The following SEMA6D variants were observed in gnomAD, a reference collection of about 807,000 sequenced individuals.
SEMA6D encodes the protein semaphorin 6D.
A neutral mutation model predicts 106.6 loss-of-function variants in SEMA6D; 35 were observed. The ratio of observed to expected loss-of-function variants is 0.33; its 90% CI spans 0.25 to 0.44. SEMA6D has a LOEUF of 0.44. Ranked by LOEUF, SEMA6D falls within the 20% of genes least tolerant of loss-of-function variation. The pLI, the probability that SEMA6D is intolerant of heterozygous loss-of-function variation, is 1.00. For synonymous variants in SEMA6D, 499 were observed against 487.7 expected (o/e 1.02, Z -0.31); for missense variants, 1,185 against 1,345.9 (o/e 0.88, Z 1.87).
chr15:47,746,982 G>GTATATATA lies in SEMA6D; in HGVS notation c.-54-12762_-54-12761insATATATAT, dbSNP rs1208849790. On this transcript the variant is annotated intron_variant, in intron 1 of 18. Transcript: ENST00000536845. ...CAACAGTCTCCTGCTGTGTGTGTGT[G>GTATATATA]TGTATATATATATATATATATTTCG... Among the ~76,000 whole-genome samples, 694 of 89,842 alleles carry GTATATATA rather than the reference G, an allele frequency of 7.7e-3. 4 individuals are homozygous for GTATATATA. Among genetic ancestry groups the GTATATATA allele is most frequent in the Admixed American group, 0.026 (251 of 9,658 alleles). The allele number at this position is 89,842 out of a possible 152,430, so 58.9% of individuals were successfully genotyped here.
At chr15:47,726,904 C>G (rs990804079) in intron 1 of SEMA6D, among the ~76,000 whole-genome samples, 3 of 152,164 alleles carry the variant, frequency 2.0e-5, no homozygotes, top group African/African-American at 7.2e-5. Flanking sequence ...TCCACAACAG[C>G]TACCCTGCAC....
intron 1 of SEMA6D, among the ~76,000 whole-genome samples, chr15:47,398,645 A>G (rs1385704876): frequency 6.6e-6 from 1 of 152,326 alleles, no homozygotes; most frequent in Admixed American, 6.5e-5. Flanking sequence ...GGAAGATATC[A>G]TAAATTTAAG....
At chr15:47,581,589 G>A (rs770734775) in intron 3 of SEMA6D, among the ~76,000 whole-genome samples, 2 of 152,144 alleles carry the variant, frequency 1.3e-5, no homozygotes, top group African/African-American at 4.8e-5. Flanking sequence ...AGTAGTGGTG[G>A]GATTTGTGGG....
At chr15:47,432,097 T>G (rs1186185611) in intron 2 of SEMA6D, among the ~76,000 whole-genome samples, 1 of 152,074 alleles carries the variant, frequency 6.6e-6, no homozygotes, top group East Asian at 1.9e-4. Context: ...TTTTCTTTTT[T>G]AAGAGGAGAG....
chr15:47,577,529 C>CT (rs1483253131), intron 3 of SEMA6D, among the ~76,000 whole-genome samples: 3 of 152,214 alleles, frequency 2.0e-5, no homozygotes, highest in Non-Finnish European at 4.4e-5. Context: ...ATGAGCATCT[C>CT]TAATTCAAGA....
chr15:47,417,105 G>T (rs1034715501), intron 2 of SEMA6D, among the ~76,000 whole-genome samples: 1 of 151,846 alleles, frequency 6.6e-6, no homozygotes, highest in East Asian at 1.9e-4. Context: ...AGGGGAAAGG[G>T]GAGTTATAGT....
rs1047032123 is a variant in SEMA6D, at chr15:47,774,074, C to A, written c.*2289C>A. ...TTTAATGGTACGGCATAAAAAGTAA[C>A]CCTCAAGTGAAGTGTCTCTATACTG... is the stretch of plus-strand genomic sequence containing the variant. On this transcript the variant is annotated 3_prime_UTR_variant, in exon 19 of 19. Coordinates refer to ENST00000536845, the MANE Select transcript of SEMA6D (RefSeq NM_001358351.3). 2.0e-5 allele frequency: 3 copies of A among 152,448 alleles called. No individual in the cohort carries two copies. Among genetic ancestry groups the A allele is most frequent in the Non-Finnish European group, 2.9e-5 (2 of 68,006 alleles). The allele number at this position is 152,448 out of a possible 1,614,324, so 9.4% of individuals were successfully genotyped here.
At chr15:47,311,983 A>G (rs770423258) in intron 1 of SEMA6D, among the ~76,000 whole-genome samples, 1 of 152,168 alleles carries the variant, frequency 6.6e-6, no homozygotes, top group Non-Finnish European at 1.5e-5. Context: ...TATCCAGTAT[A>G]GCACCTTACT....
chr15:47,755,936 T>C (rs1437347638), intron 1 of SEMA6D, among the ~76,000 whole-genome samples: 3 of 151,784 alleles, frequency 2.0e-5, no homozygotes, highest in African/African-American at 7.3e-5. Context: ...AAATGCTGAG[T>C]ATGGGACTAA....
intron 1 of SEMA6D, among the ~76,000 whole-genome samples, chr15:47,384,874 T>C (rs1005402569): frequency 6.5e-5 from 9 of 138,324 alleles, no homozygotes; most frequent in Non-Finnish European, 1.2e-4. Flanking sequence ...TTTCCTCTAG[T>C]CCTGGCAGAT....
intron 4 of SEMA6D, among the ~76,000 whole-genome samples, chr15:47,668,470 C>A (rs955701279): frequency 7.9e-5 from 12 of 152,162 alleles, no homozygotes; most frequent in African/African-American, 2.9e-4. Context: ...CTGCTCCTAG[C>A]TGCTTACCCT....
chr15:47,588,680 G>T (rs1379452315), intron 3 of SEMA6D, among the ~76,000 whole-genome samples: 2 of 152,188 alleles, frequency 1.3e-5, no homozygotes, highest in Non-Finnish European at 2.9e-5. Context: ...CTCCGTCTGT[G>T]AAGGAAAAAG....
chr15:47,674,539 C>T (rs1188930117), intron 4 of SEMA6D, among the ~76,000 whole-genome samples: 1 of 152,234 alleles, frequency 6.6e-6, no homozygotes, highest in Non-Finnish European at 1.5e-5. Context: ...CCTTTAGTGA[C>T]ATTCTGACTG....
intron 4 of SEMA6D, among the ~76,000 whole-genome samples, chr15:47,672,253 C>T (rs2078151782): frequency 6.6e-6 from 1 of 152,212 alleles, no homozygotes. Context: ...TCCTGCTAAG[C>T]ATTTTGTGTC....
At chr15:47,674,105 C>T (rs1321522530) in intron 4 of SEMA6D, among the ~76,000 whole-genome samples, 2 of 152,184 alleles carry the variant, frequency 1.3e-5, no homozygotes, top group Non-Finnish European at 2.9e-5. Context: ...CCAGCACTGG[C>T]TCCTGGGACC....
At chr15:47,230,000 A>G (rs1248449812) in intron 1 of SEMA6D, among the ~76,000 whole-genome samples, 2 of 152,108 alleles carry the variant, frequency 1.3e-5, no homozygotes, top group Non-Finnish European at 2.9e-5. Context: ...TTATTGTATT[A>G]AAATTCATTG....
intron 2 of SEMA6D, among the ~76,000 whole-genome samples, chr15:47,432,611 A>ACCTATATG (rs1555438688): frequency 6.6e-6 from 1 of 152,160 alleles, no homozygotes; most frequent in African/African-American, 2.4e-5. Flanking sequence ...ATACATATAC[A>ACCTATATG]CACACAATTA....
At chr15:47,263,387 G>A (rs747800902) in intron 1 of SEMA6D, among the ~76,000 whole-genome samples, 16 of 151,922 alleles carry the variant, frequency 1.1e-4, no homozygotes, top group South Asian at 2.1e-4. Flanking sequence ...AGTGGGCAAC[G>A]GACATGAAAA....
At chr15:47,722,343 A>T (rs935020996) in intron 1 of SEMA6D, among the ~76,000 whole-genome samples, 63 of 152,328 alleles carry the variant, frequency 4.1e-4, no homozygotes, top group African/African-American at 1.4e-3. Flanking sequence ...TGAAGATAGA[A>T]AAAAGACCTT....
Sources: gnomAD v4.1 joint callset for allele counts (sites outside exome capture counted in the v4.1 genomes callset) on GRCh38, gnomAD v4.1.1 for gene constraint, MANE v1.5 for transcripts, NCBI Gene and HGNC (gene_info 2026-07-23, HGNC 2026-07-21) for gene names.